The following KCNB2 variants were observed in gnomAD, a reference collection of about 807,000 sequenced individuals.
KCNB2 encodes potassium voltage-gated channel subfamily B member 2, also known as delayed rectifier potassium channel protein.
A neutral mutation model predicts 61.5 loss-of-function variants in KCNB2; 15 were observed. The observed-to-expected ratio is 0.24, with a 90% CI of 0.16 to 0.38. The LOEUF is 0.38. KCNB2 is among the 10% of genes least tolerant of loss of function. The probability of loss-of-function intolerance (pLI) is 1.00; values close to 1 mark genes in which losing one functional copy is unlikely to be tolerated. For synonymous variants in KCNB2, 457 were observed against 446.0 expected (o/e 1.02, Z -0.31); for missense variants, 828 against 1,125.2 (o/e 0.74, Z 3.78).
At chr8:72,647,146 C>T (rs180816758) in intron 2 of KCNB2, among the ~76,000 whole-genome samples, 1 of 152,148 alleles carries the variant, frequency 6.6e-6, no homozygotes, top group Admixed American at 6.6e-5. Flanking sequence ...TCTTCCATGT[C>T]CTAAAATAGT....
intron 2 of KCNB2, among the ~76,000 whole-genome samples, chr8:72,651,787 A>G (rs925056607): frequency 3.9e-5 from 6 of 152,108 alleles, no homozygotes; most frequent in Non-Finnish European, 8.8e-5. Flanking sequence ...ATACAATAAC[A>G]TTGAAACTGA....
chr8:72,795,573 C>T lies in KCNB2; in HGVS notation c.580-140362C>T, dbSNP rs1194536192. The stretch of plus-strand genomic sequence containing the variant: ...CAGATGTTTCAATGACACAGGAAAT[C>T]GGATTACAGTTACCTTGAGCTTAGC... On this transcript the variant is annotated intron_variant, in intron 2 of 2. Transcript: ENST00000523207. Among the ~76,000 whole-genome samples, 7 of 152,286 alleles carry T rather than the reference C, an allele frequency of 4.6e-5. 1 individual carries two copies. The South Asian group carries it at 8.3e-4, about 18-fold the overall frequency.
Position 72,659,480 on chromosome 8 carries a change from A to C in KCNB2, c.579+91167A>C, listed in dbSNP as rs189399747. ...GCATAAACTTAGTTGATAATGCAGC[A>C]TCAGGGTTTGAAAAGATTAATTCCA... On this transcript the variant is annotated intron_variant, in intron 2 of 2. Transcript: ENST00000523207. 2.6e-5 allele frequency among the ~76,000 whole-genome samples: 4 copies of C among 152,366 alleles called. 1 individual carries two copies. The highest frequency in any genetic ancestry group is 2.6e-4 in the Admixed American group (4 of 15,304).
intron 2 of KCNB2, among the ~76,000 whole-genome samples, chr8:72,744,763 G>A (rs184354925): frequency 6.6e-6 from 1 of 152,180 alleles, no homozygotes; most frequent in African/African-American, 2.4e-5. Flanking sequence ...GACCTGAAGC[G>A]AGAACAAACT....
chr8:72,592,113 T>C, intron 2 of KCNB2, among the ~76,000 whole-genome samples: 1 of 152,114 alleles, frequency 6.6e-6, no homozygotes, highest in Non-Finnish European at 1.5e-5. Context: ...ATTGAAAGAT[T>C]CAATGGATTA....
chr8:72,918,459 AAGCCTAAGGGCCAC>A (rs1177420205), intron 2 of KCNB2, among the ~76,000 whole-genome samples: 1 of 152,230 alleles, frequency 6.6e-6, no homozygotes, highest in Non-Finnish European at 1.5e-5. Context: ...AAGATAAAGA[AAGCCTAAGGGCCAC>A]AGATAGTATT....
At chr8:72,668,781 G>C (rs1806518502) in intron 2 of KCNB2, among the ~76,000 whole-genome samples, 1 of 151,966 alleles carries the variant, frequency 6.6e-6, no homozygotes, top group Admixed American at 6.6e-5. Flanking sequence ...TTTATTATTT[G>C]TCTCCCCAAC....
At chr8:72,725,922 A>G (rs544316494) in intron 2 of KCNB2, among the ~76,000 whole-genome samples, 4 of 152,222 alleles carry the variant, frequency 2.6e-5, no homozygotes, top group East Asian at 1.9e-4. Flanking sequence ...CAACAGTTCT[A>G]TAAATTTATG....
At chr8:72,829,584 C>T (rs1809656216) in intron 2 of KCNB2, among the ~76,000 whole-genome samples, 2 of 152,170 alleles carry the variant, frequency 1.3e-5, no homozygotes, top group Non-Finnish European at 2.9e-5. Flanking sequence ...GTTTTTACTA[C>T]CTCACAGATG....
chr8:72,849,956 A>G (rs932637713), intron 2 of KCNB2, among the ~76,000 whole-genome samples: 14 of 152,202 alleles, frequency 9.2e-5, no homozygotes, highest in African/African-American at 3.1e-4. Flanking sequence ...CATTTGTCAA[A>G]CAGAATCATG....
At chr8:72,750,644 G>A (rs1334110396) in intron 2 of KCNB2, 1 of 152,058 alleles carries the variant, frequency 6.6e-6, no homozygotes, top group East Asian at 1.9e-4. Context: ...TGTCTTCTGG[G>A]TTTCTTTACT....
intron 2 of KCNB2, among the ~76,000 whole-genome samples, chr8:72,811,053 T>C (rs541285650): frequency 6.6e-6 from 1 of 152,148 alleles, no homozygotes; most frequent in Non-Finnish European, 1.5e-5. Flanking sequence ...TCTTTTATCC[T>C]ACCTTCTCGA....
chr8:72,609,648 G>A (rs73688718), intron 2 of KCNB2, among the ~76,000 whole-genome samples: 4,001 of 152,032 alleles, frequency 0.026, 189 homozygotes, highest in African/African-American at 0.092. Flanking sequence ...TCTGGTATCA[G>A]GCAAAAACAC....
intron 2 of KCNB2, among the ~76,000 whole-genome samples, chr8:72,898,967 C>T (rs78592250): frequency 0.012 from 1,805 of 152,206 alleles, 42 homozygotes; most frequent in African/African-American, 0.041. Context: ...CTGCAAGGGA[C>T]GTGATTTCAT....
chr8:72,887,009 ACTCT>A (rs1380675275), intron 2 of KCNB2, among the ~76,000 whole-genome samples: 1 of 152,106 alleles, frequency 6.6e-6, no homozygotes, highest in African/African-American at 2.4e-5. Flanking sequence ...TGGGTGCCAA[ACTCT>A]CTAGGACAAA....
chr8:72,635,975 G>A (rs957822168), intron 2 of KCNB2, among the ~76,000 whole-genome samples: 2 of 152,158 alleles, frequency 1.3e-5, no homozygotes, highest in Admixed American at 6.5e-5. Flanking sequence ...ATTGGGAAGA[G>A]TAGTACTGTA....
chr8:72,870,927 A>G (rs912388663), intron 2 of KCNB2, among the ~76,000 whole-genome samples: 1 of 152,230 alleles, frequency 6.6e-6, no homozygotes, highest in Non-Finnish European at 1.5e-5. Context: ...CAGTGAGCCA[A>G]GATCACGCCA....
chr8:72,553,785 T>C (rs1806380832), intron 1 of KCNB2, among the ~76,000 whole-genome samples: 1 of 152,148 alleles, frequency 6.6e-6, no homozygotes. Flanking sequence ...AGTAGAATAT[T>C]ATGGTAATCA....
Position 72,936,786 on chromosome 8 carries a change from C to T in KCNB2, c.1431C>T (p.Asn477=). The T allele has an allele frequency of 6.2e-7, 1 of 1,614,114 alleles. No homozygotes were observed. The highest frequency in any genetic ancestry group is 8.5e-7 in the Non-Finnish European group (1 of 1,180,006). The change falls in exon 3 of 3, where the codon AAC becomes AAT. Residue 477 remains asparagine, a synonymous_variant. Coordinates refer to ENST00000523207, the MANE Select transcript of KCNB2 (RefSeq NM_004770.3). The surrounding 1 kb of genome is among the most constrained non-coding windows in gnomAD (Gnocchi z 5.6). ...TTGAGAAGGCCGGAGAGTCCGCCAA[C>T]ACAAAGGACTCCGCCGACGATAATC... ...VAVEKAGESA[N]TKDSADDNHL...
Sources: gnomAD v4.1 joint callset for allele counts (sites outside exome capture counted in the v4.1 genomes callset) on GRCh38, gnomAD v4.1.1 for gene constraint, Gnocchi (gnomAD v3.1) non-coding constraint, MANE v1.5 for transcripts, NCBI Gene and HGNC (gene_info 2026-07-23, HGNC 2026-07-21) for gene names.